RBMS3: variants seen among roughly 807,000 people sequenced by gnomAD.
RBMS3 encodes RNA binding motif single stranded interacting protein 3.
RBMS3 carries 27 observed loss-of-function variants against 66.8 expected under a neutral mutation model. The ratio of observed to expected loss-of-function variants is 0.40; its 90% confidence interval spans 0.30 to 0.56. The LOEUF is 0.56. RBMS3 is among the 20% of genes least tolerant of loss of function. The pLI is 0.40. For missense variants in RBMS3, 513 were observed against 549.5 expected, an observed-to-expected ratio of 0.93 and a Z score of 0.66; for synonymous variants, 188 against 183.0, an observed-to-expected ratio of 1.03 and a Z score of -0.22.
At chr3:29,528,687 T>C in intron 3 of RBMS3, among the ~76,000 whole-genome samples, 1 of 152,202 alleles carries the variant, frequency 6.6e-6, no homozygotes, top group East Asian at 1.9e-4. Context: ...TGACTTTTGA[T>C]GGAGTACCAT....
chr3:29,859,015 A>T (rs1182467681), intron 6 of RBMS3, among the ~76,000 whole-genome samples: 3 of 152,222 alleles, frequency 2.0e-5, no homozygotes, highest in Non-Finnish European at 2.9e-5. Context: ...ACCAAATATA[A>T]GCAGTAATCC....
intron 1 of RBMS3, among the ~76,000 whole-genome samples, chr3:29,407,045 G>C (rs564490443): frequency 6.6e-6 from 1 of 152,240 alleles, no homozygotes; most frequent in Admixed American, 6.5e-5. Flanking sequence ...GGGTCTCCAG[G>C]TTGAAGTTCT....
At chr3:29,377,109 G>A (rs2125614581) in intron 1 of RBMS3, among the ~76,000 whole-genome samples, 1 of 151,250 alleles carries the variant, frequency 6.6e-6, no homozygotes, top group South Asian at 2.1e-4. Context: ...AAAAAGAAAA[G>A]CAAAGAAAGA....
intron 1 of RBMS3, among the ~76,000 whole-genome samples, chr3:29,407,299 G>A (rs2040065062): frequency 6.6e-6 from 1 of 152,112 alleles, no homozygotes; most frequent in South Asian, 2.1e-4. Context: ...TGGAAACTGA[G>A]GCACAGAGAA....
chr3:29,498,643 G>C (rs2148932393), intron 3 of RBMS3, among the ~76,000 whole-genome samples: 1 of 152,206 alleles, frequency 6.6e-6, no homozygotes, highest in South Asian at 2.1e-4. Context: ...TAACATCTCT[G>C]AACATCTGTT....
At chr3:29,906,749 C>T (rs140726501) in intron 10 of RBMS3, among the ~76,000 whole-genome samples, 18 of 152,014 alleles carry the variant, frequency 1.2e-4, no homozygotes, top group Non-Finnish European at 2.2e-4. Context: ...AAGATTAGTA[C>T]AGTTAATATC....
intron 3 of RBMS3, among the ~76,000 whole-genome samples, chr3:29,490,591 A>G (rs1417199919): frequency 6.6e-6 from 1 of 152,132 alleles, no homozygotes; most frequent in South Asian, 2.1e-4. Flanking sequence ...AACCATGTGG[A>G]AGATGTCAAA....
chr3:29,633,117 C>G (rs572145931), intron 4 of RBMS3, among the ~76,000 whole-genome samples: 1 of 151,780 alleles, frequency 6.6e-6, no homozygotes, highest in Non-Finnish European at 1.5e-5. Flanking sequence ...AAATACATAA[C>G]CATAACTGCC....
intron 3 of RBMS3, among the ~76,000 whole-genome samples, chr3:29,506,447 G>A (rs39689): frequency 0.23 from 35,223 of 151,792 alleles, 4,326 homozygotes; most frequent in Admixed American, 0.3. Flanking sequence ...CATGGTGAAT[G>A]CTTCTTTTAA....
chr3:29,745,266 G>T (rs1576678020), intron 5 of RBMS3, among the ~76,000 whole-genome samples: 1 of 151,348 alleles, frequency 6.6e-6, no homozygotes, highest in African/African-American at 2.4e-5. Flanking sequence ...TTACTCTCTT[G>T]TAACTTAAAA....
chr3:29,911,081 A>T lies in RBMS3; in HGVS notation c.939+11326A>T, dbSNP rs991910578. 6.6e-5 allele frequency among the ~76,000 whole-genome samples: 10 copies of T among 152,138 alleles called. No homozygotes were observed. In the South Asian group the frequency reaches 2.1e-3, roughly 31 times the overall value. ...TGTGCAAAGTCTATAAGCAGTAAAG[A>T]GGAGGAAGTTACTCACTGTGGAGGG... is the stretch of plus-strand genomic sequence containing the variant. On this transcript the variant is annotated intron_variant, in intron 10 of 14. Transcript: ENST00000383767.
At chr3:29,494,034 A>C (rs1218313379) in intron 3 of RBMS3, among the ~76,000 whole-genome samples, 1 of 152,214 alleles carries the variant, frequency 6.6e-6, no homozygotes, top group East Asian at 1.9e-4. Flanking sequence ...AACATTATGA[A>C]CTGAAGGATT....
chr3:29,524,513 C>T (rs747901638), intron 3 of RBMS3, among the ~76,000 whole-genome samples: 18 of 148,100 alleles, frequency 1.2e-4, no homozygotes, highest in Admixed American at 2.7e-4. Context: ...CCACAATCTC[C>T]GCCTCCCGGT....
intron 3 of RBMS3, among the ~76,000 whole-genome samples, chr3:29,548,216 A>C (rs1205142534): frequency 6.6e-6 from 1 of 152,100 alleles, no homozygotes; most frequent in Non-Finnish European, 1.5e-5. Context: ...GTTTGAGGGC[A>C]GGAGTTTGAG....
intron 4 of RBMS3, among the ~76,000 whole-genome samples, chr3:29,727,829 C>T (rs2053949331): frequency 6.6e-6 from 1 of 152,028 alleles, no homozygotes. Context: ...ACCAGAAATA[C>T]CATTTGACCC....
At chr3:29,876,368 C>A (rs543231790) in intron 7 of RBMS3, among the ~76,000 whole-genome samples, 1 of 151,784 alleles carries the variant, frequency 6.6e-6, no homozygotes, top group South Asian at 2.1e-4. Context: ...GTAAATTTTA[C>A]TAACAAAATA....
At chr3:29,783,612 A>C (rs1471438526) in intron 6 of RBMS3, among the ~76,000 whole-genome samples, 1 of 152,122 alleles carries the variant, frequency 6.6e-6, no homozygotes, top group Non-Finnish European at 1.5e-5. Context: ...CATAAACCTC[A>C]CAGGACCTAT....
intron 4 of RBMS3, among the ~76,000 whole-genome samples, chr3:29,590,168 A>G (rs773657006): frequency 2.0e-5 from 3 of 151,828 alleles, no homozygotes; most frequent in Non-Finnish European, 4.4e-5. Context: ...AGTGGTTAGG[A>G]GCATAGATTT....
intron 1 of RBMS3, among the ~76,000 whole-genome samples, chr3:29,402,620 A>G (rs4130687): frequency 0.17 from 26,258 of 152,010 alleles, 2,779 homozygotes; most frequent in Non-Finnish European, 0.25. Context: ...TTTGTTTAAG[A>G]CATATTCTTG....
Sources: gnomAD v4.1 joint callset for allele counts (sites outside exome capture counted in the v4.1 genomes callset) on GRCh38, gnomAD v4.1.1 for gene constraint, MANE v1.5 for transcripts, NCBI Gene and HGNC (gene_info 2026-07-23, HGNC 2026-07-21) for gene names.